The following TMEM178B variants were observed in gnomAD, a reference collection of about 807,000 sequenced individuals.
The protein encoded by TMEM178B is transmembrane protein 178B.
Under a neutral mutation model 31.0 loss-of-function variants are expected in TMEM178B, and 5 were observed. The observed-to-expected ratio is 0.16, with a 90% CI of 0.08 to 0.34. The LOEUF (loss-of-function observed/expected upper bound fraction) is 0.34, where lower values mean the gene tolerates loss of function less well. TMEM178B is among the 10% of genes least tolerant of loss of function. TMEM178B has a pLI of 1.00. For missense variants in TMEM178B, 275 were observed against 400.3 expected (o/e 0.69, Z 2.67); for synonymous variants, 164 against 164.0 (o/e 1.00, Z 0.00).
intron 2 of TMEM178B, among the ~76,000 whole-genome samples, chr7:141,317,300 G>A: frequency 6.6e-6 from 1 of 152,124 alleles, no homozygotes; most frequent in South Asian, 2.1e-4. Flanking sequence ...GTGGGAGGTT[G>A]CCTTCTGAGT....
chr7:141,250,726 C>A (rs578195589), intron 2 of TMEM178B, among the ~76,000 whole-genome samples: 2 of 152,314 alleles, frequency 1.3e-5, no homozygotes, highest in South Asian at 2.1e-4. Context: ...TCTCATCCCC[C>A]CTTCCCAAGA....
At chr7:141,229,631 G>C (rs569913237) in intron 2 of TMEM178B, among the ~76,000 whole-genome samples, 11 of 152,050 alleles carry the variant, frequency 7.2e-5, no homozygotes, top group African/African-American at 2.2e-4. Context: ...TAATCAATAG[G>C]CAAATTACAG....
At chr7:141,359,747 C>A (rs1228517326) in intron 2 of TMEM178B, among the ~76,000 whole-genome samples, 1 of 152,150 alleles carries the variant, frequency 6.6e-6, no homozygotes, top group Non-Finnish European at 1.5e-5. Context: ...TTACTGCCTG[C>A]CACCTGTATT....
chr7:141,134,542 A>G (rs989436026), intron 1 of TMEM178B, among the ~76,000 whole-genome samples: 5 of 152,172 alleles, frequency 3.3e-5, no homozygotes, highest in Non-Finnish European at 7.3e-5. Context: ...CATAATGGGA[A>G]AGAGAAAGGA....
intron 2 of TMEM178B, among the ~76,000 whole-genome samples, chr7:141,430,782 C>T (rs1425995831): frequency 6.6e-6 from 1 of 152,114 alleles, no homozygotes; most frequent in Non-Finnish European, 1.5e-5. Context: ...CTCTTACTTC[C>T]CAGACCGACT....
chr7:141,444,107 A>C (rs1436202150), intron 3 of TMEM178B, among the ~76,000 whole-genome samples: 1 of 152,194 alleles, frequency 6.6e-6, no homozygotes, highest in Non-Finnish European at 1.5e-5. Flanking sequence ...CCGTTTCTTC[A>C]AGGAGCTCTG....
At position 141,447,384 on chromosome 7, in the gene TMEM178B, G is replaced by A. The variant is rs62486702; in HGVS notation, c.634+9639G>A. Among the ~76,000 whole-genome samples the A allele has an allele frequency of 6.3e-3, 961 of 152,084 alleles. 1 individual carries two copies. The highest frequency in any genetic ancestry group is 0.01 in the Non-Finnish European group (683 of 68,006). On this transcript the variant is annotated intron_variant, in intron 3 of 3. Transcript: ENST00000565468. The stretch of plus-strand genomic sequence containing the variant: ...CAGGTAAAATGAGCAGCAAGGAGAA[G>A]GGGCCTGGGAGAGGACTGAGCCTGT...
chr7:141,305,870 A>G (rs1798807926), intron 2 of TMEM178B, among the ~76,000 whole-genome samples: 1 of 151,862 alleles, frequency 6.6e-6, no homozygotes, highest in Non-Finnish European at 1.5e-5. Context: ...CTTTTCCACA[A>G]TGCTGGTCAT....
intron 1 of TMEM178B, among the ~76,000 whole-genome samples, chr7:141,102,698 T>C (rs562632984): frequency 1.3e-5 from 2 of 152,364 alleles, no homozygotes; most frequent in African/African-American, 4.8e-5. Flanking sequence ...TCACACTTTG[T>C]CGATCTAGAG....
At chr7:141,353,610 C>T (rs1257897963) in intron 2 of TMEM178B, among the ~76,000 whole-genome samples, 2 of 152,212 alleles carry the variant, frequency 1.3e-5, no homozygotes, top group Non-Finnish European at 2.9e-5. Flanking sequence ...ACTATTACTG[C>T]TGTCTCTGAT....
chr7:141,237,181 C>T (rs1440755493), intron 2 of TMEM178B, among the ~76,000 whole-genome samples: 2 of 152,200 alleles, frequency 1.3e-5, no homozygotes, highest in African/African-American at 4.8e-5. Flanking sequence ...TACAACCTTA[C>T]TTGAAATCAG....
At chr7:141,321,633 TA>T (rs2116474508) in intron 2 of TMEM178B, among the ~76,000 whole-genome samples, 1 of 152,224 alleles carries the variant, frequency 6.6e-6, no homozygotes, top group South Asian at 2.1e-4. Context: ...TTTGTTCTGC[TA>T]AGAGTACCAG....
chr7:141,180,489 A>G (rs1206452973), intron 1 of TMEM178B, among the ~76,000 whole-genome samples: 2 of 151,408 alleles, frequency 1.3e-5, no homozygotes, highest in African/African-American at 4.8e-5. Flanking sequence ...AAAAAGAAAG[A>G]AAGAAAAAGA....
chr7:141,330,069 G>C (rs1799271499), intron 2 of TMEM178B, among the ~76,000 whole-genome samples: 1 of 151,392 alleles, frequency 6.6e-6, no homozygotes, highest in East Asian at 1.9e-4. Flanking sequence ...AGGGCAGTAG[G>C]ATCCTATTGA....
intron 2 of TMEM178B, among the ~76,000 whole-genome samples, chr7:141,224,792 C>T (rs780453582): frequency 3.3e-5 from 5 of 152,142 alleles, no homozygotes; most frequent in Non-Finnish European, 5.9e-5. Context: ...GATGTGGGTG[C>T]GATGACACCC....
At chr7:141,188,923 C>T (rs1359136357) in intron 1 of TMEM178B, among the ~76,000 whole-genome samples, 1 of 152,220 alleles carries the variant, frequency 6.6e-6, no homozygotes, top group African/African-American at 2.4e-5. Flanking sequence ...AGAAGGTGTC[C>T]CTGAATCCAG....
At chr7:141,208,835 A>C (rs1338716701) in intron 1 of TMEM178B, among the ~76,000 whole-genome samples, 1 of 152,206 alleles carries the variant, frequency 6.6e-6, no homozygotes. Flanking sequence ...CTGAGCTAAG[A>C]AATCAGGTAC....
chr7:141,106,097 A>AAG lies in TMEM178B; in HGVS notation c.382+31406_382+31407insGA, dbSNP rs544382891. Among the ~76,000 whole-genome samples the AAG allele has an allele frequency of 4.2e-4, 64 of 151,430 alleles. 1 individual carries two copies. Among genetic ancestry groups the AAG allele is most frequent in the Non-Finnish European group, 7.4e-4 (50 of 67,850 alleles). On this transcript the variant is annotated intron_variant, in intron 1 of 3. Transcript: ENST00000565468. ...TGAGACCCTGTCTCAAAAAAAAAAA[A>AAG]AAAAGAAAAGAAAAAAGGGTCATTT...
intron 1 of TMEM178B, among the ~76,000 whole-genome samples, chr7:141,103,152 A>G (rs1795085472): frequency 6.6e-6 from 1 of 152,182 alleles, no homozygotes; most frequent in African/African-American, 2.4e-5. Context: ...TCAAGTGCGG[A>G]AAGGAAAAAA....
Sources: gnomAD v4.1 joint callset for allele counts (sites outside exome capture counted in the v4.1 genomes callset) on GRCh38, gnomAD v4.1.1 for gene constraint, MANE v1.5 for transcripts, NCBI Gene and HGNC (gene_info 2026-07-23, HGNC 2026-07-21) for gene names.